Variants in ALOX12 observed in about 807,000 individuals in gnomAD.
ALOX12 encodes the protein arachidonate 12-lipoxygenase, 12S type.
Under a neutral mutation model 85.5 loss-of-function variants are expected in ALOX12, and 62 were observed. That is an observed-to-expected ratio of 0.73 (90% confidence interval 0.59 to 0.90). ALOX12 has a LOEUF of 0.90. ALOX12 is among the 40% of genes least tolerant of loss of function. The pLI is 0.00. For missense variants in ALOX12, 751 were observed against 856.5 expected (o/e 0.88, Z 1.54); for synonymous variants, 299 against 332.7 (o/e 0.90, Z 1.10).
At chr17:7,008,050 G>A (rs1184202343) in intron 11 of ALOX12, among the ~76,000 whole-genome samples, 2 of 152,166 alleles carry the variant, frequency 1.3e-5, no homozygotes, top group African/African-American at 2.4e-5. Context: ...ACAGCAGAAA[G>A]ATAGCAAGCT....
At position 7,005,325 on chromosome 17, in the gene ALOX12, T is replaced by G. The variant is rs1426325778; in HGVS notation, c.1230T>G (p.Asp410Glu). 8 of 1,613,272 alleles carry G rather than the reference T, an allele frequency of 5.0e-6. No homozygotes were observed. Among genetic ancestry groups the G allele is most frequent in the Non-Finnish European group, 6.8e-6 (8 of 1,179,442 alleles). Residue 410 changes from aspartate to glutamate, a missense_variant, in exon 9 of 14, where the codon GAT becomes GAG. Asp to Glu is a conservative substitution (Grantham distance 45). Transcript: ENST00000251535. The stretch of plus-strand genomic sequence containing the variant: ...GGGCCCGGACCCAACTCATCTCAGA[T>G]GGAGGAATTTTTGATAAGGTGAGGA... ...NTRARTQLIS[D>E]GGIFDKAVST...
At chr17:7,004,293 AATTAAAT>A (rs1172960782) in intron 8 of ALOX12, among the ~76,000 whole-genome samples, 49 of 12,424 alleles carry the variant, frequency 3.9e-3, no homozygotes, top group East Asian at 0.012. Flanking sequence ...TTTAATATTA[AATTAAAT>A]TTTAATATTT....
chr17:7,005,904 C>T lies in ALOX12; in HGVS notation c.1295C>T (p.Ala432Val), dbSNP rs762709740. 47 of 1,613,410 alleles carry T rather than the reference C, an allele frequency of 2.9e-5. 1 individual carries two copies. In the South Asian group the frequency reaches 3.2e-4, roughly 11 times the overall value. The change falls in exon 10 of 14, where the codon GCG becomes GTG. Residue 432 changes from alanine (A) to valine (V), a missense_variant. Physicochemically the swap from Ala to Val is moderately conservative, Grantham distance 64. Transcript: ENST00000251535. ...GGCCATGTACAGTTGCTCCGTCGGG[C>T]GGCAGCTCAGCTGACCTACTGCTCC... ...GGGHVQLLRRAAAQLTYCSLC... is the reference protein window; with the variant it reads ...GGGHVQLLRRVAAQLTYCSLC...
intron 10 of ALOX12, 70 bp from the exon 11 acceptor site, chr17:7,006,416 G>A: frequency 1.2e-6 from 2 of 1,605,166 alleles, no homozygotes; most frequent in Non-Finnish European, 1.7e-6. Context: ...TTGGGCAGAT[G>A]CCACAGAAAG....
rs1050605320 is a variant in ALOX12 at position 7,000,598 on chromosome 17, T to C, written c.951+119T>C. 4.9e-6 allele frequency: 6 copies of C among 1,213,562 alleles called. No individual in the cohort carries two copies. The highest frequency in any genetic ancestry group is 4.4e-5 in the Admixed American group (2 of 45,170). The allele number at this position is 1,213,562 out of a possible 1,614,324, so 75.2% of individuals were successfully genotyped here. ...CCATCCTCACTCAGTGAGACTTGTC[T>C]TCATGTCACTATTTGCCTGTACCCT... On this transcript the variant is annotated intron_variant, in intron 7 of 13. Coordinates refer to ENST00000251535, the MANE Select transcript of ALOX12 (RefSeq NM_000697.3). The surrounding 1 kb of genome is among the most constrained non-coding windows in gnomAD (Gnocchi z 4.6).
At chr17:7,005,834 A>G in intron 9 of ALOX12, 24 bp from the exon 10 acceptor site, 1 of 1,604,408 alleles carries the variant, frequency 6.2e-7, no homozygotes, top group African/African-American at 1.3e-5. Flanking sequence ...TTCCCCCTCT[A>G]AGACCTGTGA....
chr17:7,002,806 C>G (rs1391357432), intron 8 of ALOX12, among the ~76,000 whole-genome samples: 5 of 152,032 alleles, frequency 3.3e-5, no homozygotes, highest in African/African-American at 1.2e-4. Flanking sequence ...GCTTACAAAC[C>G]AGAGTAATTG....
chr17:7,001,585 ATTTC>A lies in ALOX12; in HGVS notation c.952-15_952-12del, dbSNP rs749873356. 6.2e-7 allele frequency: 1 copy of A among 1,600,170 alleles called. No homozygotes were observed. Among genetic ancestry groups the A allele is most frequent in the Non-Finnish European group, 8.6e-7 (1 of 1,167,706 alleles). On this transcript the variant is annotated splice_polypyrimidine_tract_variant and intron_variant, in intron 7 of 13. Transcript: ENST00000251535. The stretch of plus-strand genomic sequence containing the variant: ...TCATATACGGAATGGGAGTTCAATA[ATTTC>A]TCTTTCTCCCAGATTCAGCCTCCCA...
Position 6,998,528 on chromosome 17 carries a change from T to C in ALOX12, c.357T>C (p.Asn119=). ...PEGTARLPGD[N]ALDMFQKHRE... The stretch of plus-strand genomic sequence containing the variant: ...CCCCAGCCCGCCTGCCAGGAGACAA[T>C]GCTTTGGACATGTTCCAGAAGCATC... Residue 119 remains asparagine (N), a synonymous_variant, in exon 3 of 14, where the codon AAT becomes AAC. Transcript: ENST00000251535. 1.2e-6 allele frequency: 2 copies of C among 1,613,864 alleles called. No individual in the cohort carries two copies. Among genetic ancestry groups the C allele is most frequent in the Non-Finnish European group, 1.7e-6 (2 of 1,179,884 alleles).
At position 6,996,171 on chromosome 17, in the gene ALOX12, G is replaced by C. The variant is rs1908420455; in HGVS notation, c.54G>C (p.Ser18=). The C allele has an allele frequency of 1.6e-6, 2 of 1,253,672 alleles. No individual in the cohort carries two copies. Among genetic ancestry groups the C allele is most frequent in the Non-Finnish European group, 2.0e-6 (2 of 992,212 alleles). The allele number at this position is 1,253,672 out of a possible 1,614,324, so 77.7% of individuals were successfully genotyped here. A position where few individuals can be genotyped will look rare whatever the true frequency, so the allele number is the denominator to read the frequency against. ...CCGGGGCCTGGCTCTTCTCCGGGTCGTACAACCGCGTGCAGCTTTGGCTGG... is the reference window on the plus strand; with the variant it reads ...CCGGGGCCTGGCTCTTCTCCGGGTCCTACAACCGCGTGCAGCTTTGGCTGG... ...VATGAWLFSG[S]YNRVQLWLVG... is the part of the protein sequence containing the mutation. The change falls in exon 1 of 14, where the codon TCG becomes TCC. Residue 18 remains serine (S), a synonymous_variant. Transcript: ENST00000251535.
rs554842863 is a variant in ALOX12, at chr17:7,008,019, G to A, written c.1540+1412G>A. On this transcript the variant is annotated intron_variant, in intron 11 of 13. Transcript: ENST00000251535. ...CCCCTCTTCCAGGCTGCCCACAGCC[G>A]ATTTCTCCCTGTATCCTCACACAGC... Among the ~76,000 whole-genome samples, 9 of 152,110 alleles carry A rather than the reference G, an allele frequency of 5.9e-5. No individual in the cohort carries two copies. The South Asian group carries it at 1.0e-3, about 18-fold the overall frequency.
intron 8 of ALOX12, chr17:7,002,729 G>T (rs982730431): frequency 1.4e-5 from 4 of 280,896 alleles, no homozygotes; most frequent in South Asian, 8.8e-5. Context: ...TTAAGAAAAT[G>T]TTCTTAAAAT....
intron 11 of ALOX12, among the ~76,000 whole-genome samples, chr17:7,006,927 G>C (rs559494537): frequency 6.6e-6 from 1 of 151,958 alleles, no homozygotes; most frequent in Non-Finnish European, 1.5e-5. Flanking sequence ...GTCCCTGCTG[G>C]GCTCATATTC....
intron 8 of ALOX12, among the ~76,000 whole-genome samples, chr17:7,004,138 A>AAT (rs1908877317): frequency 1.7e-5 from 2 of 119,048 alleles, no homozygotes; most frequent in African/African-American, 3.0e-5. Flanking sequence ...TAAATAAATA[A>AAT]TTAAAATTTA....
chr17:6,996,085 C>T lies in ALOX12; in HGVS notation c.-33C>T. The stretch of plus-strand genomic sequence containing the variant: ...GCGGTCCCGGGAATCGCACAGGACC[C>T]GGCTCCCCTCGCCTAAGCTGCTGGG... On this transcript the variant is annotated 5_prime_UTR_variant, in exon 1 of 14. Transcript: ENST00000251535. The T allele has an allele frequency of 8.0e-7, 1 of 1,243,174 alleles. No individual in the cohort carries two copies. Among genetic ancestry groups the T allele is most frequent in the Non-Finnish European group, 1.0e-6 (1 of 987,684 alleles). 77.0% of individuals were successfully genotyped at this position (1,243,174 alleles called of 1,614,324 possible).
rs1269158867 is a variant in ALOX12 at position 7,005,299 on chromosome 17, C to T, written c.1204C>T (p.Arg402Trp). The change falls in exon 9 of 14, where the codon CGG becomes TGG. Residue 402 changes from arginine to tryptophan, a missense_variant. Transcript: ENST00000251535. ...HIRYTMEINTRARTQLISDGG... is the reference protein window; with the variant it reads ...HIRYTMEINTWARTQLISDGG... Reference sequence around the variant, plus strand: ...CCGCTACACCATGGAAATCAACACCCGGGCCCGGACCCAACTCATCTCAGA... The same window carrying T: ...CCGCTACACCATGGAAATCAACACCTGGGCCCGGACCCAACTCATCTCAGA... 5.0e-6 allele frequency: 8 copies of T among 1,613,706 alleles called. No homozygotes were observed. The highest frequency in any genetic ancestry group is 4.4e-5 in the South Asian group (4 of 91,074).
rs778331954 is a variant in ALOX12 at position 7,001,817 on chromosome 17, T to C, written c.1161+6T>C. On this transcript the variant is annotated splice_donor_region_variant and intron_variant, in intron 8 of 13. Transcript: ENST00000251535. ...GACTGCACCCCATCTTCAAGGTACT[T>C]ATTAATCTATTAAATCACATATCCC... The C allele has an allele frequency of 3.1e-6, 5 of 1,611,018 alleles. No individual in the cohort carries two copies. The East Asian group carries it at 1.1e-4, about 36-fold the overall frequency.
At chr17:7,007,879 T>C (rs1909166720) in intron 11 of ALOX12, among the ~76,000 whole-genome samples, 2 of 151,994 alleles carry the variant, frequency 1.3e-5, no homozygotes, top group South Asian at 4.1e-4. Context: ...AAACTCCGTC[T>C]CAAAAAAATA....
chr17:6,997,802 C>T (rs7217595), intron 2 of ALOX12, among the ~76,000 whole-genome samples: 87,913 of 151,556 alleles, frequency 0.58, 25,653 homozygotes, highest in Admixed American at 0.65. Context: ...CCTCGTGATC[C>T]GCCCTCCTTG....
Sources: allele counts gnomAD v4.1 joint callset (sites outside exome capture counted in the v4.1 genomes callset), GRCh38; gene constraint gnomAD v4.1.1; non-coding constraint Gnocchi (gnomAD v3.1); transcripts MANE v1.5; gene names NCBI Gene and HGNC (gene_info 2026-07-23, HGNC 2026-07-21).